CLUL1: variants seen among roughly 807,000 people sequenced by gnomAD.
CLUL1 encodes clusterin like 1, also known as clusterin-like protein 1.
CLUL1 carries 43 observed loss-of-function variants against 49.4 expected under a neutral mutation model. The ratio of observed to expected loss-of-function variants is 0.87; its 90% CI spans 0.68 to 1.12. The LOEUF (loss-of-function observed/expected upper bound fraction) is 1.12. CLUL1 is among the 50% of genes most tolerant of loss of function. The pLI, the probability that CLUL1 is intolerant of heterozygous loss-of-function variation, is 0.00. For synonymous variants in CLUL1, 192 were observed against 184.9 expected, an observed-to-expected ratio of 1.04 and a Z score of -0.31; for missense variants, 486 against 544.4, an observed-to-expected ratio of 0.89 and a Z score of 1.07.
chr18:632,842 G>C (rs192051608), intron 6 of CLUL1, among the ~76,000 whole-genome samples: 2 of 152,196 alleles, frequency 1.3e-5, no homozygotes. Context: ...TTGCACCAAC[G>C]TGCATTTCTG....
At chr18:646,689 C>G (rs1204234106) in intron 9 of CLUL1, among the ~76,000 whole-genome samples, 1 of 151,938 alleles carries the variant, frequency 6.6e-6, no homozygotes, top group Non-Finnish European at 1.5e-5. Flanking sequence ...CTCTCCTCCT[C>G]TCTTTTCCTC....
At chr18:646,090 A>G (rs2074498497) in intron 9 of CLUL1, among the ~76,000 whole-genome samples, 1 of 151,792 alleles carries the variant, frequency 6.6e-6, no homozygotes, top group Non-Finnish European at 1.5e-5. Flanking sequence ...CTCAGGTCGG[A>G]GGTGGTAGAG....
At chr18:643,185 G>C (rs950327071) in intron 8 of CLUL1, among the ~76,000 whole-genome samples, 3 of 152,262 alleles carry the variant, frequency 2.0e-5, no homozygotes, top group Admixed American at 2.0e-4. Context: ...CATTTCATAA[G>C]TCATATGCAC....
chr18:630,476 C>G (rs1443388300), intron 6 of CLUL1, among the ~76,000 whole-genome samples: 1 of 151,994 alleles, frequency 6.6e-6, no homozygotes, highest in Non-Finnish European at 1.5e-5. Context: ...TCACAGGGTC[C>G]TTAAAAGTGG....
chr18:625,980 G>A (rs1408277403), intron 5 of CLUL1, among the ~76,000 whole-genome samples: 1 of 152,192 alleles, frequency 6.6e-6, no homozygotes, highest in African/African-American at 2.4e-5. Flanking sequence ...GAGATATGGG[G>A]ACCATTCCCA....
chr18:628,549 G>A (rs2073880793), intron 6 of CLUL1, among the ~76,000 whole-genome samples: 1 of 152,010 alleles, frequency 6.6e-6, no homozygotes, highest in Non-Finnish European at 1.5e-5. Context: ...CTTTGTCACT[G>A]TATTGACCCC....
In CLUL1 at chr18:624,854, C is replaced by T; in HGVS notation, c.256-11C>T. 1 of 1,612,426 alleles carries T rather than the reference C, an allele frequency of 6.2e-7. No individual in the cohort carries two copies. Among genetic ancestry groups the T allele is most frequent in the Non-Finnish European group, 8.5e-7 (1 of 1,179,324 alleles). On this transcript the variant is annotated splice_polypyrimidine_tract_variant and intron_variant, in intron 4 of 9. Transcript: ENST00000692774. ...AATGGAAATTGGACTTTTGTTTCTA[C>T]TTTTAACTAGGAGGCCCTGAAACTT... is the stretch of plus-strand genomic sequence containing the variant.
intron 8 of CLUL1, among the ~76,000 whole-genome samples, chr18:644,095 G>A (rs1310823029): frequency 6.6e-6 from 1 of 152,180 alleles, no homozygotes; most frequent in Non-Finnish European, 1.5e-5. Flanking sequence ...AAGTGAAAAC[G>A]GTTGTGGTCC....
chr18:603,859 G>T (rs555863698), intron 1 of CLUL1, among the ~76,000 whole-genome samples: 1 of 152,120 alleles, frequency 6.6e-6, no homozygotes, highest in Admixed American at 6.5e-5. Flanking sequence ...TTTGTAGATG[G>T]GTACATGCAG....
chr18:634,002 T>G (rs2074069576), intron 7 of CLUL1, among the ~76,000 whole-genome samples: 1 of 152,210 alleles, frequency 6.6e-6, no homozygotes, highest in Non-Finnish European at 1.5e-5. Flanking sequence ...TTTTTAGGGT[T>G]TCTTTAGTAT....
intron 2 of CLUL1, among the ~76,000 whole-genome samples, chr18:613,867 C>T (rs113189382): frequency 1.3e-5 from 2 of 152,196 alleles, no homozygotes; most frequent in Non-Finnish European, 2.9e-5. Context: ...TCAGCAATCT[C>T]TAAGCAAGAT....
At position 622,130 on chromosome 18, in the gene CLUL1, T is replaced by C. The variant is rs979834413; in HGVS notation, c.256-2735T>C. ...TAGACAAATTATGAATTGGCAAATA[T>C]GGTGTTAGCAACCCTAGTCTCCCAG... On this transcript the variant is annotated intron_variant, in intron 4 of 9. Coordinates refer to ENST00000692774, the MANE Select transcript of CLUL1 (RefSeq NM_001393344.1). 5.9e-5 allele frequency among the ~76,000 whole-genome samples: 9 copies of C among 152,248 alleles called. No individual in the cohort carries two copies. In the East Asian group the frequency reaches 1.5e-3, roughly 26 times the overall value.
chr18:617,262 C>T (rs2073314953), intron 2 of CLUL1, among the ~76,000 whole-genome samples: 1 of 152,000 alleles, frequency 6.6e-6, no homozygotes, highest in Non-Finnish European at 1.5e-5. Context: ...AAAATAATAG[C>T]GAACCACGTA....
Position 627,228 on chromosome 18 carries a change from C to A in CLUL1, c.555C>A (p.Ser185Arg). Reference sequence around the variant, plus strand: ...TGACCCAAATGGAGGATGTGTTCAGCCAGTTGACTGTGGATGTGAATTCTC... The same window carrying A: ...TGACCCAAATGGAGGATGTGTTCAGACAGTTGACTGTGGATGTGAATTCTC... ...AQLTQMEDVF[S>R]QLTVDVNSLF... The change falls in exon 6 of 10, where the codon AGC (serine) becomes AGA (arginine). Residue 185 changes from serine to arginine, a missense_variant. Transcript: ENST00000692774. 6.2e-7 allele frequency: 1 copy of A among 1,613,890 alleles called. No individual in the cohort carries two copies. The highest frequency in any genetic ancestry group is 8.5e-7 in the Non-Finnish European group (1 of 1,179,980).
At chr18:628,453 T>C (rs1427098556) in intron 6 of CLUL1, among the ~76,000 whole-genome samples, 1 of 152,164 alleles carries the variant, frequency 6.6e-6, no homozygotes, top group Non-Finnish European at 1.5e-5. Flanking sequence ...GCGGCAGATA[T>C]CTTCTGTGGG....
chr18:608,284 C>T (rs1042899470), intron 2 of CLUL1, among the ~76,000 whole-genome samples: 6 of 152,152 alleles, frequency 3.9e-5, no homozygotes, highest in Non-Finnish European at 5.9e-5. Context: ...TCTCACTGAG[C>T]TCCAGAATCA....
At chr18:641,270 C>T in intron 7 of CLUL1, 57 bp from the exon 8 acceptor site, 1 of 1,485,982 alleles carries the variant, frequency 6.7e-7, no homozygotes, top group Non-Finnish European at 9.4e-7. Context: ...GCCCATGTTG[C>T]CCACCTCCAA....
intron 8 of CLUL1, among the ~76,000 whole-genome samples, chr18:642,720 T>C (rs1031056847): frequency 2.0e-5 from 3 of 152,192 alleles, no homozygotes; most frequent in African/African-American, 4.8e-5. Context: ...TGGTGCCCTA[T>C]CCAGATCCCT....
chr18:641,069 T>C (rs984815176), intron 7 of CLUL1, among the ~76,000 whole-genome samples: 1 of 152,194 alleles, frequency 6.6e-6, no homozygotes, highest in African/African-American at 2.4e-5. Flanking sequence ...GTGGTAGGCA[T>C]GTGGAATTTA....
Sources: allele counts gnomAD v4.1 joint callset (sites outside exome capture counted in the v4.1 genomes callset), GRCh38; gene constraint gnomAD v4.1.1; transcripts MANE v1.5; gene names NCBI Gene and HGNC (gene_info 2026-07-23, HGNC 2026-07-21).